The following WIPF3 variants were observed in gnomAD, a reference collection of about 807,000 sequenced individuals.
WIPF3 encodes WAS/WASL interacting protein family member 3.
WIPF3 carries 33 observed loss-of-function variants against 38.9 expected under a neutral mutation model. The ratio of observed to expected loss-of-function variants is 0.85; its 90% confidence interval spans 0.64 to 1.14. WIPF3 has a LOEUF of 1.14. Among genes scored for constraint, WIPF3 ranks in the 50% most tolerant of loss-of-function variants. The pLI, the probability that WIPF3 is intolerant of heterozygous loss-of-function variation, is 0.00. For synonymous variants in WIPF3, 324 were observed against 269.3 expected, an observed-to-expected ratio of 1.20 and a Z score of -1.99; for missense variants, 711 against 652.5, an observed-to-expected ratio of 1.09 and a Z score of -0.98.
At chr7:29,866,138 G>T (rs370623670) in intron 2 of WIPF3, among the ~76,000 whole-genome samples, 17 of 152,064 alleles carry the variant, frequency 1.1e-4, no homozygotes, top group Admixed American at 1.3e-4. Flanking sequence ...CAGCCTGCGC[G>T]ACAGAGCAAG....
chr7:29,901,840 AAAAAAAAAAGAAAGAAAGAAAGAAAAG>A (rs1374089609), intron 7 of WIPF3, among the ~76,000 whole-genome samples: 3 of 145,662 alleles, frequency 2.1e-5, no homozygotes, highest in African/African-American at 7.5e-5. Context: ...AAAAAAAAAA[AAAAAAAAAAGAAAGAAAGAAAGAAAAG>A]AAAGAAAACC....
chr7:29,896,068 G>T (rs1317080817), intron 7 of WIPF3, among the ~76,000 whole-genome samples: 1 of 152,124 alleles, frequency 6.6e-6, no homozygotes, highest in African/African-American at 2.4e-5. Flanking sequence ...AGGAAGAAGG[G>T]AATGGTGAGT....
In WIPF3 at chr7:29,832,987, T is replaced by C. The variant is rs191055268; in HGVS notation, c.-57-1681T>C. ...GTGGTGTATACGTACAATGGAATAA[T>C]TCAGAATGAATTTCTGATCCATGCT... On this transcript the variant is annotated intron_variant, in intron 1 of 8. Transcript: ENST00000242140. Among the ~76,000 whole-genome samples the C allele has an allele frequency of 2.6e-5, 4 of 152,332 alleles. No homozygotes were observed. The East Asian group carries it at 7.7e-4, about 29-fold the overall frequency.
chr7:29,865,870 A>T (rs1243854681), intron 2 of WIPF3, among the ~76,000 whole-genome samples: 1 of 152,176 alleles, frequency 6.6e-6, no homozygotes, highest in African/African-American at 2.4e-5. Context: ...TAAGACAAGG[A>T]AGTCTAGGCT....
chr7:29,877,193 T>G (rs984046340), intron 3 of WIPF3, among the ~76,000 whole-genome samples: 6 of 152,152 alleles, frequency 3.9e-5, no homozygotes, highest in African/African-American at 9.7e-5. Flanking sequence ...TGATGTCAGT[T>G]TACAAAATCA....
chr7:29,894,948 G>A lies in WIPF3; in HGVS notation c.1351+5541G>A, dbSNP rs1459426634. The stretch of plus-strand genomic sequence containing the variant: ...TTTTTTGTTGTTGTTGTTGTTTTTC[G>A]CTTTTGTTTTGTTTCATTTTTTTGA... On this transcript the variant is annotated intron_variant, in intron 7 of 8. Transcript: ENST00000242140. Among the ~76,000 whole-genome samples, 4 of 143,160 alleles carry A rather than the reference G, an allele frequency of 2.8e-5. No individual in the cohort carries two copies. The Admixed American group carries it at 2.8e-4, about 10-fold the overall frequency. The allele number at this position is 143,160 out of a possible 152,430, so 93.9% of individuals were successfully genotyped here.
chr7:29,872,287 G>A (rs893599003), intron 2 of WIPF3, among the ~76,000 whole-genome samples: 1 of 152,162 alleles, frequency 6.6e-6, no homozygotes. Context: ...GGTTTTTTAA[G>A]ACAGCAAATT....
intron 2 of WIPF3, among the ~76,000 whole-genome samples, chr7:29,863,137 A>C (rs1365619000): frequency 6.6e-6 from 1 of 152,206 alleles, no homozygotes; most frequent in Non-Finnish European, 1.5e-5. Flanking sequence ...AAATTGCAAC[A>C]CATGCATAGA....
At chr7:29,881,835 C>T (rs1009577178) in intron 4 of WIPF3, among the ~76,000 whole-genome samples, 1 of 152,224 alleles carries the variant, frequency 6.6e-6, no homozygotes, top group Admixed American at 6.5e-5. Context: ...GCACAGCATC[C>T]CTGATGCCCT....
intron 3 of WIPF3, among the ~76,000 whole-genome samples, chr7:29,876,194 C>T (rs967613905): frequency 2.6e-5 from 4 of 152,240 alleles, no homozygotes; most frequent in African/African-American, 9.6e-5. Context: ...AAAAGAACAA[C>T]TCTGCAATGG....
chr7:29,869,169 A>G (rs1785449656), intron 2 of WIPF3, among the ~76,000 whole-genome samples: 1 of 90,888 alleles, frequency 1.1e-5, no homozygotes, highest in South Asian at 5.2e-4. Context: ...AGCTGGGATT[A>G]CAGGCATGTG....
At chr7:29,897,593 A>T (rs1469305678) in intron 7 of WIPF3, among the ~76,000 whole-genome samples, 2 of 152,304 alleles carry the variant, frequency 1.3e-5, no homozygotes, top group East Asian at 3.9e-4. Flanking sequence ...TTTACACTTA[A>T]CAGTAAAAAC....
At chr7:29,829,484 G>A (rs1249404868) in intron 1 of WIPF3, among the ~76,000 whole-genome samples, 1 of 152,088 alleles carries the variant, frequency 6.6e-6, no homozygotes, top group African/African-American at 2.4e-5. Context: ...CTCCCAAAGT[G>A]CTAGGATTAC....
chr7:29,893,818 GCC>G (rs1192480004), intron 7 of WIPF3, among the ~76,000 whole-genome samples: 1 of 152,056 alleles, frequency 6.6e-6, no homozygotes, highest in African/African-American at 2.4e-5. Flanking sequence ...CATGCCATAA[GCC>G]CCACAGCTTT....
At chr7:29,904,383 C>G in intron 8 of WIPF3, 21 bp downstream of exon 8, 4 of 1,611,910 alleles carry the variant, frequency 2.5e-6, no homozygotes, top group Non-Finnish European at 3.4e-6. Flanking sequence ...CCTCATGTCT[C>G]TGAATGTAAA....
At chr7:29,881,251 A>C (rs1267447383) in intron 4 of WIPF3, among the ~76,000 whole-genome samples, 1 of 152,200 alleles carries the variant, frequency 6.6e-6, no homozygotes, top group African/African-American at 2.4e-5. Context: ...CATATCATGT[A>C]TTCACTGGTT....
At chr7:29,836,001 C>T (rs567888223) in intron 2 of WIPF3, among the ~76,000 whole-genome samples, 3 of 152,302 alleles carry the variant, frequency 2.0e-5, no homozygotes, top group South Asian at 2.1e-4. Context: ...TGTCACCCCA[C>T]GTGACATTCG....
At chr7:29,862,370 G>A in intron 2 of WIPF3, among the ~76,000 whole-genome samples, 1 of 152,140 alleles carries the variant, frequency 6.6e-6, no homozygotes, top group Non-Finnish European at 1.5e-5. Flanking sequence ...AAAAGATACT[G>A]TAGGGCCAGG....
At position 29,884,520 on chromosome 7, in the gene WIPF3, G is replaced by A; in HGVS notation, c.1026G>A (p.Ala342=). 1.8e-5 allele frequency: 28 copies of A among 1,578,368 alleles called. No individual in the cohort carries two copies. The highest frequency in any genetic ancestry group is 2.3e-5 in the Non-Finnish European group (27 of 1,163,688). Residue 342 remains alanine, a synonymous_variant, in exon 5 of 9, where the codon GCG becomes GCA. Transcript: ENST00000242140. ...AGGCCCCACCGCAGAAGGCCGGTGC[G>A]CAGGCCTTGCCCGCCCCGCCTGCCC... ...SFQAPPQKAG[A]QALPAPPAPP...
Sources: gnomAD v4.1 joint callset for allele counts (sites outside exome capture counted in the v4.1 genomes callset) on GRCh38, gnomAD v4.1.1 for gene constraint, MANE v1.5 for transcripts, NCBI Gene and HGNC (gene_info 2026-07-23, HGNC 2026-07-21) for gene names.